VAV3: variants seen among roughly 807,000 people sequenced by gnomAD.
VAV3 encodes the protein vav guanine nucleotide exchange factor 3, also known as guanine nucleotide exchange factor VAV3.
Under a neutral mutation model 131.2 loss-of-function variants are expected in VAV3, and 94 were observed. The ratio of observed to expected loss-of-function variants is 0.72; its 90% confidence interval spans 0.61 to 0.85. The LOEUF (loss-of-function observed/expected upper bound fraction) is 0.85. Among genes scored for constraint, VAV3 ranks in the 40% least tolerant of loss-of-function variants. The pLI, the probability that VAV3 is intolerant of heterozygous loss-of-function variation, is 0.00. For synonymous variants in VAV3, 349 were observed against 342.0 expected (o/e 1.02, Z -0.22); for missense variants, 939 against 1,002.7 (o/e 0.94, Z 0.86).
At chr1:107,739,631 T>A (rs1037731601) in intron 15 of VAV3, among the ~76,000 whole-genome samples, 1 of 151,950 alleles carries the variant, frequency 6.6e-6, no homozygotes, top group Non-Finnish European at 1.5e-5. Context: ...GAATGTGAGG[T>A]TTTTAGAGAA....
At chr1:107,761,217 A>C (rs185720735) in intron 9 of VAV3, among the ~76,000 whole-genome samples, 1 of 151,908 alleles carries the variant, frequency 6.6e-6, no homozygotes, top group Admixed American at 6.6e-5. Flanking sequence ...GTGAAACCCC[A>C]TCTCTACTGA....
At chr1:107,698,170 C>T (rs1057046788) in intron 17 of VAV3, among the ~76,000 whole-genome samples, 1 of 152,204 alleles carries the variant, frequency 6.6e-6, no homozygotes, top group Non-Finnish European at 1.5e-5. Context: ...TGGTAAAGTA[C>T]AAATGGTCCC....
intron 25 of VAV3, 148 bp from the exon 26 acceptor site, chr1:107,574,346 G>T: frequency 3.1e-6 from 3 of 955,806 alleles, no homozygotes; most frequent in Non-Finnish European, 4.3e-6. Flanking sequence ...CTTGAAAGCA[G>T]CAGAATTGCT....
At chr1:107,801,771 G>A (rs994613326) in intron 2 of VAV3, among the ~76,000 whole-genome samples, 1 of 152,100 alleles carries the variant, frequency 6.6e-6, no homozygotes, top group Non-Finnish European at 1.5e-5. Flanking sequence ...GATTCTGGGG[G>A]CTGCCAGATT....
intron 15 of VAV3, among the ~76,000 whole-genome samples, chr1:107,744,115 G>A (rs1328247610): frequency 3.3e-5 from 5 of 152,246 alleles, no homozygotes; most frequent in African/African-American, 7.2e-5. Flanking sequence ...CTGCCGCTCC[G>A]GATGACCAAC....
chr1:107,661,327 C>T (rs913858292), intron 19 of VAV3, among the ~76,000 whole-genome samples: 1 of 152,120 alleles, frequency 6.6e-6, no homozygotes, highest in Non-Finnish European at 1.5e-5. Context: ...TGCTTGCTAC[C>T]ATCCTCCGCG....
chr1:107,807,123 T>G (rs1487939449), intron 2 of VAV3, among the ~76,000 whole-genome samples: 1 of 152,172 alleles, frequency 6.6e-6, no homozygotes, highest in African/African-American at 2.4e-5. Flanking sequence ...GACTGTACAT[T>G]AAAGCCACAG....
intron 25 of VAV3, among the ~76,000 whole-genome samples, chr1:107,589,653 A>G (rs1290305504): frequency 6.6e-6 from 1 of 152,220 alleles, no homozygotes; most frequent in African/African-American, 2.4e-5. Context: ...TATTTAAATT[A>G]CCAGAATAAA....
intron 2 of VAV3, among the ~76,000 whole-genome samples, chr1:107,829,787 T>G (rs1668167726): frequency 6.6e-6 from 1 of 152,184 alleles, no homozygotes. Context: ...TACATTGCTT[T>G]TAATTATGGA....
At chr1:107,689,799 C>T (rs1238822041) in intron 17 of VAV3, among the ~76,000 whole-genome samples, 2 of 152,134 alleles carry the variant, frequency 1.3e-5, no homozygotes, top group African/African-American at 2.4e-5. Context: ...CGCCCAAGAG[C>T]GCTGGTTTGG....
At chr1:107,950,297 T>C (rs138760168) in intron 1 of VAV3, among the ~76,000 whole-genome samples, 12 of 152,302 alleles carry the variant, frequency 7.9e-5, no homozygotes, top group Non-Finnish European at 1.8e-4. Flanking sequence ...ACTTGTAAAG[T>C]TTGGCACAGT....
chr1:107,807,161 G>T (rs1214117822), intron 2 of VAV3, among the ~76,000 whole-genome samples: 1 of 152,150 alleles, frequency 6.6e-6, no homozygotes, highest in Non-Finnish European at 1.5e-5. Flanking sequence ...GTGTCAAAAT[G>T]ATCATTTCAA....
intron 25 of VAV3, among the ~76,000 whole-genome samples, chr1:107,593,726 G>A (rs1437065766): frequency 2.6e-5 from 4 of 152,042 alleles, no homozygotes; most frequent in Admixed American, 2.6e-4. Flanking sequence ...CTTTAAGGGT[G>A]AGCTTTTATC....
chr1:107,855,683 TG>T (rs1467997837), intron 2 of VAV3, among the ~76,000 whole-genome samples: 3 of 152,100 alleles, frequency 2.0e-5, no homozygotes, highest in African/African-American at 7.2e-5. Flanking sequence ...CTGATGTCCT[TG>T]TTAGGACTGG....
chr1:107,688,585 T>C, intron 17 of VAV3, 179 bp from the exon 18 acceptor site: 1 of 1,475,538 alleles, frequency 6.8e-7, no homozygotes, highest in Admixed American at 2.7e-5. Flanking sequence ...TTGGTTCTCT[T>C]ACCCTATTGG....
At chr1:107,837,648 C>G (rs141966020) in intron 2 of VAV3, among the ~76,000 whole-genome samples, 185 of 152,250 alleles carry the variant, frequency 1.2e-3, no homozygotes, top group African/African-American at 4.4e-3. Flanking sequence ...CACTACAAGG[C>G]TACAGTAACC....
rs148355942 is a variant in VAV3 at position 107,621,081 on chromosome 1, C to A, written c.1915-3449G>T. ...AAACAAGTACACATGGTCATCATAT[C>A]AAAACTCATTTTTTTTTTTTTACCT... On this transcript the variant is annotated intron_variant, in intron 20 of 26. Transcript: ENST00000370056. Among the ~76,000 whole-genome samples the A allele has an allele frequency of 1.1e-3, 133 of 123,778 alleles. 1 individual carries two copies. In the East Asian group the frequency reaches 0.032, roughly 30 times the overall value. 81.2% of individuals were successfully genotyped at this position (123,778 alleles called of 152,430 possible).
intron 19 of VAV3, among the ~76,000 whole-genome samples, chr1:107,675,553 C>G (rs75159251): frequency 6.6e-6 from 1 of 152,082 alleles, no homozygotes; most frequent in African/African-American, 2.4e-5. Context: ...AAGATCTCTC[C>G]TTCTCTTTCT....
chr1:107,598,619 C>T (rs1019040330), intron 24 of VAV3, among the ~76,000 whole-genome samples: 1 of 151,998 alleles, frequency 6.6e-6, no homozygotes, highest in African/African-American at 2.4e-5. Context: ...GAAAAAGAAA[C>T]AAAAGACCAT....
Sources: gnomAD v4.1 joint callset for allele counts (sites outside exome capture counted in the v4.1 genomes callset) on GRCh38, gnomAD v4.1.1 for gene constraint, MANE v1.5 for transcripts, NCBI Gene and HGNC (gene_info 2026-07-23, HGNC 2026-07-21) for gene names.